Variants in INPP5A observed in about 807,000 individuals in gnomAD.
The protein encoded by INPP5A is inositol polyphosphate-5-phosphatase A.
In INPP5A, 14 loss-of-function variants were observed where a neutral mutation model predicts 65.2. The observed-to-expected ratio is 0.21, with a 90% CI of 0.14 to 0.34. The LOEUF is 0.34. Among genes scored for constraint, INPP5A ranks in the 10% least tolerant of loss-of-function variants. The probability of loss-of-function intolerance (pLI) is 1.00; values close to 1 mark genes in which losing one functional copy is unlikely to be tolerated. For missense variants in INPP5A, 431 were observed against 545.6 expected (o/e 0.79, Z 2.09); for synonymous variants, 207 against 208.3 (o/e 0.99, Z 0.05).
In INPP5A at chr10:132,642,236, G is replaced by T; in HGVS notation, c.118-3632G>T. Among the ~76,000 whole-genome samples, 4 of 152,344 alleles carry T rather than the reference G, an allele frequency of 2.6e-5. No individual in the cohort carries two copies. In the South Asian group the frequency reaches 8.3e-4, roughly 32 times the overall value. On this transcript the variant is annotated intron_variant, in intron 2 of 15. Transcript: ENST00000368594. The stretch of plus-strand genomic sequence containing the variant: ...CTGGGGCGTGGGAGTGGGTGGAGGC[G>T]TTTCCAGCAGAGGGGCAGCAGCAGA...
At chr10:132,746,359 G>A (rs1018577068) in intron 9 of INPP5A, among the ~76,000 whole-genome samples, 11 of 152,240 alleles carry the variant, frequency 7.2e-5, no homozygotes, top group Admixed American at 3.9e-4. Flanking sequence ...GTGGCAGAGT[G>A]TCCGGGACAG....
intron 4 of INPP5A, among the ~76,000 whole-genome samples, chr10:132,677,871 G>A (rs541668178): frequency 6.6e-6 from 1 of 152,188 alleles, no homozygotes; most frequent in Non-Finnish European, 1.5e-5. Context: ...CGGCTTCCAC[G>A]GGGCACGCTT....
At chr10:132,730,339 G>A (rs1775008342) in intron 9 of INPP5A, among the ~76,000 whole-genome samples, 1 of 152,246 alleles carries the variant, frequency 6.6e-6, no homozygotes, top group Non-Finnish European at 1.5e-5. Context: ...GGCCACGTGG[G>A]CGAGTCGGGT....
At chr10:132,781,168 G>A (rs1197403300) in intron 14 of INPP5A, among the ~76,000 whole-genome samples, 2 of 152,196 alleles carry the variant, frequency 1.3e-5, no homozygotes, top group Non-Finnish European at 2.9e-5. Flanking sequence ...CAGAAATGAC[G>A]TTACAATAGA....
At position 132,651,816 on chromosome 10, in the gene INPP5A, G is replaced by T. The variant is rs762465473; in HGVS notation, c.306+1311G>T. On this transcript the variant is annotated intron_variant, in intron 4 of 15. Transcript: ENST00000368594. The surrounding 1 kb of genome is among the most constrained non-coding windows in gnomAD (Gnocchi z 5.0). ...TGAGATGGTCACACAGCTGTCATGC[G>T]TGGTCCCCACCAGTAGTGGAGTCTG... is the stretch of plus-strand genomic sequence containing the variant. Among the ~76,000 whole-genome samples the T allele has an allele frequency of 3.9e-5, 6 of 152,192 alleles. No homozygotes were observed. The highest frequency in any genetic ancestry group is 1.4e-4 in the African/African-American group (6 of 41,446).
chr10:132,759,010 A>T (rs553067193), intron 11 of INPP5A, among the ~76,000 whole-genome samples: 1 of 152,246 alleles, frequency 6.6e-6, no homozygotes, highest in Non-Finnish European at 1.5e-5. Flanking sequence ...CAACAGTGAT[A>T]TTGAACTCTG....
intron 1 of INPP5A, among the ~76,000 whole-genome samples, chr10:132,565,698 TATGTGA>T (rs2071264666): frequency 6.6e-6 from 1 of 151,960 alleles, no homozygotes; most frequent in Admixed American, 6.6e-5. Flanking sequence ...AGTGCATGTG[TATGTGA>T]ATGTGTGCCT....
rs1230734776 is a variant in INPP5A, at chr10:132,762,419, AAT to A, written c.904-3352_904-3351del. On this transcript the variant is annotated intron_variant, in intron 11 of 15. Coordinates refer to ENST00000368594, the MANE Select transcript of INPP5A (RefSeq NM_005539.5). The surrounding 1 kb of genome is among the most constrained non-coding windows in gnomAD (Gnocchi z 4.6). Reference sequence around the variant, plus strand: ...GGCGGGTTTCCAGAACAACCACAAAAATACACACCAGGAGAAGTGGAGGCGTT... The same window carrying A: ...GGCGGGTTTCCAGAACAACCACAAAAACACACCAGGAGAAGTGGAGGCGTT... Among the ~76,000 whole-genome samples the A allele has an allele frequency of 6.6e-6, 1 of 152,174 alleles. No individual in the cohort carries two copies. The highest frequency in any genetic ancestry group is 1.5e-5 in the Non-Finnish European group (1 of 68,032).
At chr10:132,750,400 C>T (rs11146498) in intron 11 of INPP5A, among the ~76,000 whole-genome samples, 3,473 of 152,308 alleles carry the variant, frequency 0.023, 118 homozygotes, top group African/African-American at 0.078. Context: ...TGGGAATGTG[C>T]GGCTCAGGTC....
chr10:132,578,924 G>A (rs1379533504), intron 1 of INPP5A, among the ~76,000 whole-genome samples: 1 of 152,200 alleles, frequency 6.6e-6, no homozygotes, highest in Non-Finnish European at 1.5e-5. Context: ...TGCCTTCTGT[G>A]GTGCAGGGTA....
chr10:132,726,686 A>G (rs531524965), intron 8 of INPP5A, 135 bp from the exon 9 acceptor site: 2 of 639,032 alleles, frequency 3.1e-6, no homozygotes, highest in Admixed American at 2.7e-5. Flanking sequence ...GCAAAGAGGC[A>G]ACCACTGAGG....
At position 132,783,174 on chromosome 10, in the gene INPP5A, G is replaced by A. The variant is rs1320307009; in HGVS notation, c.*1145G>A. On this transcript the variant is annotated 3_prime_UTR_variant, in exon 16 of 16. Coordinates refer to ENST00000368594, the MANE Select transcript of INPP5A (RefSeq NM_005539.5). Reference sequence around the variant, plus strand: ...AGTACAGCATTAGAAGGTGATTAGAGAGTCTGTTGATGAAACACAAATGTA... The same window carrying A: ...AGTACAGCATTAGAAGGTGATTAGAAAGTCTGTTGATGAAACACAAATGTA... The A allele has an allele frequency of 1.3e-5, 2 of 152,550 alleles. No individual in the cohort carries two copies. Among genetic ancestry groups the A allele is most frequent in the East Asian group, 3.9e-4 (2 of 5,192 alleles). The allele number at this position is 152,550 out of a possible 1,614,324, so 9.4% of individuals were successfully genotyped here.
chr10:132,653,713 C>G (rs946673818), intron 4 of INPP5A, among the ~76,000 whole-genome samples: 1 of 152,246 alleles, frequency 6.6e-6, no homozygotes, highest in Non-Finnish European at 1.5e-5. Flanking sequence ...AATCCCAAGT[C>G]AAAGAGAATT....
chr10:132,686,134 C>T (rs186897511), intron 4 of INPP5A, among the ~76,000 whole-genome samples: 165 of 152,262 alleles, frequency 1.1e-3, no homozygotes, highest in African/African-American at 3.8e-3. Flanking sequence ...CAGCCAGGGC[C>T]CAGGTTAGCC....
intron 4 of INPP5A, among the ~76,000 whole-genome samples, chr10:132,673,663 C>T (rs986744922): frequency 6.6e-6 from 1 of 152,362 alleles, no homozygotes; most frequent in African/African-American, 2.4e-5. Flanking sequence ...CTGTGTGGAA[C>T]ACCATGATGG....
In INPP5A at chr10:132,650,879, C is replaced by T. The variant is rs576534725; in HGVS notation, c.306+374C>T. Among the ~76,000 whole-genome samples, 6 of 152,312 alleles carry T rather than the reference C, an allele frequency of 3.9e-5. No homozygotes were observed. The highest frequency in any genetic ancestry group is 4.1e-4 in the South Asian group (2 of 4,830). ...CCGGTATTGCTTCAAGAGCCACCGT[C>T]GCCAGCCCTGCTCCCATGCTGGGTC... On this transcript the variant is annotated intron_variant, in intron 4 of 15. Transcript: ENST00000368594. This position sits in a 1 kb window ranked among gnomAD's most constrained non-coding sequence, Gnocchi z 5.5.
At position 132,707,516 on chromosome 10, in the gene INPP5A, T is replaced by G. The variant is rs1263760869; in HGVS notation, c.475-797T>G. Among the ~76,000 whole-genome samples the G allele has an allele frequency of 6.6e-6, 1 of 152,222 alleles. No individual in the cohort carries two copies. The highest frequency in any genetic ancestry group is 1.5e-5 in the Non-Finnish European group (1 of 68,024). On this transcript the variant is annotated intron_variant, in intron 6 of 15. Transcript: ENST00000368594. The surrounding 1 kb of genome is among the most constrained non-coding windows in gnomAD (Gnocchi z 5.5). ...TAAAATGGAATCTAAAATTCAGTTC[T>G]TCAGTCATACACTTTGCACGCTCGG...
chr10:132,657,947 A>G (rs1296427067), intron 4 of INPP5A, among the ~76,000 whole-genome samples: 1 of 152,204 alleles, frequency 6.6e-6, no homozygotes, highest in Non-Finnish European at 1.5e-5. Flanking sequence ...GCGGGCAGGT[A>G]ATGACCTGCT....
Position 132,781,966 on chromosome 10 carries a change from C to T in INPP5A, c.*7+18C>T, listed in dbSNP as rs1565017713. The T allele has an allele frequency of 6.2e-7, 1 of 1,612,828 alleles. No homozygotes were observed. Among genetic ancestry groups the T allele is most frequent in the Non-Finnish European group, 8.5e-7 (1 of 1,179,166 alleles). On this transcript the variant is annotated intron_variant, in intron 15 of 15. Coordinates refer to ENST00000368594, the MANE Select transcript of INPP5A (RefSeq NM_005539.5). ...ACGTGGTGGTAAATATGACTCCTCCCTCCAGTTCAGCTTTTACGCAGCTTT... is the reference window on the plus strand; with the variant it reads ...ACGTGGTGGTAAATATGACTCCTCCTTCCAGTTCAGCTTTTACGCAGCTTT...
Sources: gnomAD v4.1 joint callset for allele counts (sites outside exome capture counted in the v4.1 genomes callset) on GRCh38, gnomAD v4.1.1 for gene constraint, Gnocchi (gnomAD v3.1) non-coding constraint, MANE v1.5 for transcripts, NCBI Gene and HGNC (gene_info 2026-07-23, HGNC 2026-07-21) for gene names.